POLA1: variants seen among roughly 807,000 people sequenced by gnomAD.
POLA1 encodes DNA polymerase alpha catalytic subunit.
A neutral mutation model predicts 124.0 loss-of-function variants in POLA1; 15 were observed. That is an observed-to-expected ratio of 0.12 (90% confidence interval 0.08 to 0.19). The LOEUF (loss-of-function observed/expected upper bound fraction) is 0.19. Among genes scored for constraint, POLA1 ranks in the 10% least tolerant of loss-of-function variants. The pLI is 1.00. For synonymous variants in POLA1, 408 were observed against 389.4 expected (o/e 1.05, Z -0.56); for missense variants, 886 against 1,103.4 (o/e 0.80, Z 2.79).
rs1390983162 is a variant in POLA1, at chrX:24,996,786, A to T, written c.*836A>T. On this transcript the variant is annotated 3_prime_UTR_variant, in exon 37 of 37. Coordinates refer to ENST00000379068, the MANE Select transcript of POLA1 (RefSeq NM_001330360.2). Reference sequence around the variant, plus strand: ...GCTATTTTTTTCTCATTTCTTCACAATAGGACCGTCTTTGGCAGCAGCAAA... The same window carrying T: ...GCTATTTTTTTCTCATTTCTTCACATTAGGACCGTCTTTGGCAGCAGCAAA... The T allele has an allele frequency of 9.0e-6, 1 of 111,725 alleles. No homozygotes were observed. The allele number at this position is 111,725 out of a possible 1,213,427, so 9.2% of individuals were successfully genotyped here.
intron 26 of POLA1, among the ~76,000 whole-genome samples, chrX:24,786,269 C>T (rs2045358960): frequency 9.0e-6 from 1 of 111,556 alleles, no homozygotes; most frequent in Non-Finnish European, 1.9e-5. Flanking sequence ...AATGGCTATC[C>T]CAGTTTACAT....
At chrX:24,887,954 A>G in intron 34 of POLA1, 52 bp from the exon 35 acceptor site, 1 of 739,288 alleles carries the variant, frequency 1.4e-6, no homozygotes, top group South Asian at 2.1e-5. Flanking sequence ...AAAAAGGTTT[A>G]TTACTTGTAT....
At chrX:24,711,369 C>G (rs1291268029) in intron 4 of POLA1, among the ~76,000 whole-genome samples, 1 of 112,490 alleles carries the variant, frequency 8.9e-6, no homozygotes, top group Non-Finnish European at 1.9e-5. Context: ...AAAATTACCC[C>G]ATATTAGAAC....
intron 36 of POLA1, among the ~76,000 whole-genome samples, chrX:24,971,433 C>G (rs1482562157): frequency 8.9e-6 from 1 of 112,610 alleles, no homozygotes; most frequent in African/African-American, 3.2e-5. Flanking sequence ...GTTGTACTAC[C>G]CCTACCAGGG....
At chrX:24,769,265 A>G (rs1185136469) in intron 26 of POLA1, among the ~76,000 whole-genome samples, 1 of 111,417 alleles carries the variant, frequency 9.0e-6, no homozygotes, top group East Asian at 2.8e-4. Flanking sequence ...TGGCTGGATT[A>G]ATGGAAGTTG....
At chrX:24,720,431 A>G (rs1480450616) in intron 10 of POLA1, among the ~76,000 whole-genome samples, 1 of 112,318 alleles carries the variant, frequency 8.9e-6, no homozygotes, top group African/African-American at 3.2e-5. Context: ...TGTTTAATAA[A>G]TAGTTGTTGA....
chrX:24,725,194 T>A (rs1253476210), intron 12 of POLA1, among the ~76,000 whole-genome samples: 1 of 99,701 alleles, frequency 1.0e-5, no homozygotes, highest in African/African-American at 3.7e-5. Context: ...ATGACTACTT[T>A]TTTTTTTTTT....
At chrX:24,945,242 T>C (rs1305035574) in intron 36 of POLA1, among the ~76,000 whole-genome samples, 1 of 112,704 alleles carries the variant, frequency 8.9e-6, no homozygotes, top group African/African-American at 3.2e-5. Context: ...TAAATGTCAG[T>C]TGGTTTTATT....
intron 11 of POLA1, among the ~76,000 whole-genome samples, chrX:24,723,678 G>C (rs1009302775): frequency 3.6e-5 from 4 of 112,157 alleles, no homozygotes; most frequent in African/African-American, 9.7e-5. Flanking sequence ...AATTCTATTT[G>C]CTTCTTTTTT....
At chrX:24,871,263 C>G (rs1304882980) in intron 34 of POLA1, among the ~76,000 whole-genome samples, 1 of 112,055 alleles carries the variant, frequency 8.9e-6, no homozygotes, top group Non-Finnish European at 1.9e-5. Flanking sequence ...AGGACCTGCT[C>G]AAACACAGAT....
At chrX:24,809,857 T>C in intron 26 of POLA1, 41 bp from the exon 27 acceptor site, 2 of 846,495 alleles carry the variant, frequency 2.4e-6, no homozygotes, top group Non-Finnish European at 1.7e-6. Flanking sequence ...TATGTCTTTA[T>C]AATTGTGTAA....
intron 35 of POLA1, among the ~76,000 whole-genome samples, chrX:24,890,829 C>T (rs957770455): frequency 2.7e-5 from 3 of 112,287 alleles, no homozygotes; most frequent in African/African-American, 9.7e-5. Context: ...TCATTCTTGT[C>T]TCAAGACTTG....
chrX:24,713,253 G>A (rs1418857891), intron 4 of POLA1, among the ~76,000 whole-genome samples: 10 of 111,116 alleles, frequency 9.0e-5, no homozygotes, highest in South Asian at 3.8e-4. Flanking sequence ...GTGAGCCACC[G>A]CGCCTGGCCT....
intron 35 of POLA1, among the ~76,000 whole-genome samples, chrX:24,905,090 A>G (rs2047344521): frequency 9.2e-6 from 1 of 109,252 alleles, no homozygotes; most frequent in African/African-American, 3.4e-5. Context: ...GTCTAATCCT[A>G]ATCAACATAC....
intron 35 of POLA1, among the ~76,000 whole-genome samples, chrX:24,899,709 CACAGGATAAT>C (rs1172314833): frequency 9.0e-6 from 1 of 111,434 alleles, no homozygotes; most frequent in African/African-American, 3.3e-5. Context: ...TCTAAGCAAC[CACAGGATAAT>C]ACACTCGTTA....
intron 34 of POLA1, among the ~76,000 whole-genome samples, chrX:24,878,950 CTTG>C (rs753841574): frequency 1.2e-3 from 131 of 111,355 alleles, no homozygotes; most frequent in East Asian, 3.9e-3. Flanking sequence ...ACAATATACA[CTTG>C]TTGTAGAAAA....
At chrX:24,797,689 G>A (rs772087404) in intron 26 of POLA1, among the ~76,000 whole-genome samples, 2 of 111,707 alleles carry the variant, frequency 1.8e-5, no homozygotes, top group East Asian at 5.6e-4. Context: ...GGTTCTAAAT[G>A]ACAAGAGAAT....
At chrX:24,792,265 C>T (rs2045515671) in intron 26 of POLA1, among the ~76,000 whole-genome samples, 1 of 111,201 alleles carries the variant, frequency 9.0e-6, no homozygotes, top group Non-Finnish European at 1.9e-5. Flanking sequence ...TGTTAAGCAC[C>T]CCCCTCCCCA....
intron 32 of POLA1, among the ~76,000 whole-genome samples, chrX:24,835,357 T>C (rs1306205508): frequency 5.4e-5 from 6 of 111,472 alleles, no homozygotes; most frequent in Non-Finnish European, 9.4e-5. Flanking sequence ...CGGCCCATTT[T>C]GCATTTCTAA....
Sources: gnomAD v4.1 joint callset for allele counts (sites outside exome capture counted in the v4.1 genomes callset) on GRCh38, gnomAD v4.1.1 for gene constraint, MANE v1.5 for transcripts, NCBI Gene and HGNC (gene_info 2026-07-23, HGNC 2026-07-21) for gene names.